RFX2: variants seen among roughly 807,000 people sequenced by gnomAD.
RFX2 encodes regulatory factor X2.
Under a neutral mutation model 87.8 loss-of-function variants are expected in RFX2, and 20 were observed. The ratio of observed to expected loss-of-function variants is 0.23; its 90% CI spans 0.16 to 0.33. The LOEUF (loss-of-function observed/expected upper bound fraction) is 0.33, where lower values mean the gene tolerates loss of function less well. Among genes scored for constraint, RFX2 ranks in the 10% least tolerant of loss-of-function variants. The pLI, the probability that RFX2 is intolerant of heterozygous loss-of-function variation, is 1.00. For synonymous variants in RFX2, 397 were observed against 431.3 expected (o/e 0.92, Z 0.98); for missense variants, 767 against 1,012.3 (o/e 0.76, Z 3.29).
At chr19:6,051,354 T>C (rs1436969784) in intron 1 of RFX2, among the ~76,000 whole-genome samples, 1 of 152,170 alleles carries the variant, frequency 6.6e-6, no homozygotes, top group Non-Finnish European at 1.5e-5. Flanking sequence ...ATATCATATG[T>C]AGATGTTCTC....
At chr19:6,053,955 CAAAAAAAAAA>C (rs553721219) in intron 1 of RFX2, among the ~76,000 whole-genome samples, 1 of 48,080 alleles carries the variant, frequency 2.1e-5, no homozygotes, top group East Asian at 5.3e-4. Flanking sequence ...GACTCTATCT[CAAAAAAAAAA>C]AAAAAAAAAA....
At position 6,040,246 on chromosome 19, in the gene RFX2, T is replaced by C. The variant is rs754535979; in HGVS notation, c.261-5A>G. On this transcript the variant is annotated splice_polypyrimidine_tract_variant and splice_region_variant and intron_variant, in intron 4 of 17. Transcript: ENST00000303657. This position sits in a 1 kb window ranked among gnomAD's most constrained non-coding sequence, Gnocchi z 6.1. ...TTGTAGGTGTAGGCTGTTCGTCTGTTAGAAAGAGAGAAGTCACGCATGGGA... is the reference window on the plus strand; with the variant it reads ...TTGTAGGTGTAGGCTGTTCGTCTGTCAGAAAGAGAGAAGTCACGCATGGGA... 2.0e-6 allele frequency: 3 copies of C among 1,533,534 alleles called. No homozygotes were observed. Among genetic ancestry groups the C allele is most frequent in the African/African-American group, 2.8e-5 (2 of 72,596 alleles). The allele number at this position is 1,533,534 out of a possible 1,614,324, so 95.0% of individuals were successfully genotyped here.
At chr19:6,085,840 C>T (rs1040478983) in intron 1 of RFX2, among the ~76,000 whole-genome samples, 1 of 152,006 alleles carries the variant, frequency 6.6e-6, no homozygotes, top group African/African-American at 2.4e-5. Flanking sequence ...GCCTGTAATC[C>T]CAGCACTTTG....
At position 5,997,413 on chromosome 19, in the gene RFX2, C is replaced by T. The variant is rs1301092174; in HGVS notation, c.1860-200G>A. On this transcript the variant is annotated intron_variant, in intron 15 of 17. Coordinates refer to ENST00000303657, the MANE Select transcript of RFX2 (RefSeq NM_000635.4). The surrounding 1 kb of genome is among the most constrained non-coding windows in gnomAD (Gnocchi z 4.2). ...GGGCCCACGTGACGGACAGGTGGGG[C>T]CGGCCTGCGCGCTCAGTTCCAGAGA... is the stretch of plus-strand genomic sequence containing the variant. 1.5e-5 allele frequency: 9 copies of T among 587,508 alleles called. No homozygotes were observed. The highest frequency in any genetic ancestry group is 2.6e-5 in the Non-Finnish European group (9 of 342,860). The allele number at this position is 587,508 out of a possible 1,614,324, so 36.4% of individuals were successfully genotyped here.
At position 5,997,845 on chromosome 19, in the gene RFX2, A is replaced by G. The variant is rs1334230446; in HGVS notation, c.1860-632T>C. Among the ~76,000 whole-genome samples, 1 of 152,192 alleles carries G rather than the reference A, an allele frequency of 6.6e-6. No homozygotes were observed. The highest frequency in any genetic ancestry group is 1.5e-5 in the Non-Finnish European group (1 of 68,028). On this transcript the variant is annotated intron_variant, in intron 15 of 17. Coordinates refer to ENST00000303657, the MANE Select transcript of RFX2 (RefSeq NM_000635.4). The surrounding 1 kb of genome is among the most constrained non-coding windows in gnomAD (Gnocchi z 4.2). ...AATGGTTGGAAAAAGTCAAAAGAATAATTATATTCGGTGGCACGTGGAAAT... is the reference window on the plus strand; with the variant it reads ...AATGGTTGGAAAAAGTCAAAAGAATGATTATATTCGGTGGCACGTGGAAAT...
At chr19:6,090,718 T>A (rs1321720619) in intron 1 of RFX2, among the ~76,000 whole-genome samples, 2 of 152,148 alleles carry the variant, frequency 1.3e-5, no homozygotes, top group Non-Finnish European at 2.9e-5. Flanking sequence ...CCACAAATAT[T>A]CATAGCAGCA....
At position 6,084,933 on chromosome 19, in the gene RFX2, G is replaced by A. The variant is rs74692923; in HGVS notation, c.-9+25460C>T. On this transcript the variant is annotated intron_variant, in intron 1 of 17. Coordinates refer to ENST00000303657, the MANE Select transcript of RFX2 (RefSeq NM_000635.4). ...ATTAGAGGTGTGAGCCACTGCGCCCGGCTGGATTTGTCCTTTTGTGTCTGA... is the reference window on the plus strand; with the variant it reads ...ATTAGAGGTGTGAGCCACTGCGCCCAGCTGGATTTGTCCTTTTGTGTCTGA... Among the ~76,000 whole-genome samples the A allele has an allele frequency of 4.6e-3, 699 of 152,168 alleles. 8 individuals carry two copies. In the East Asian group the frequency reaches 0.071, roughly 15 times the overall value.
At chr19:6,035,850 G>T (rs577554) in intron 5 of RFX2, among the ~76,000 whole-genome samples, 12,163 of 137,240 alleles carry the variant, frequency 0.089, 667 homozygotes, top group Middle Eastern at 0.13. Context: ...CTTGGTGGGG[G>T]GTGTGTGTGT....
At position 6,004,414 on chromosome 19, in the gene RFX2, G is replaced by C. The variant is rs45526738; in HGVS notation, c.1403-116C>G. On this transcript the variant is annotated intron_variant, in intron 12 of 17. Transcript: ENST00000303657. The surrounding 1 kb of genome is among the most constrained non-coding windows in gnomAD (Gnocchi z 4.8). ...GATGAAAATGACCACCATGAAGAAC[G>C]AGCCACACAGGCGACGGGGAACCGA... 1 of 841,930 alleles carries C rather than the reference G, an allele frequency of 1.2e-6. No individual in the cohort carries two copies. Among genetic ancestry groups the C allele is most frequent in the East Asian group, 2.5e-5 (1 of 39,648 alleles). The allele number at this position is 841,930 out of a possible 1,614,324, so 52.2% of individuals were successfully genotyped here. A position where few individuals can be genotyped will look rare whatever the true frequency, so the allele number is the denominator to read the frequency against.
intron 1 of RFX2, among the ~76,000 whole-genome samples, chr19:6,048,850 T>C (rs2087232028): frequency 6.6e-6 from 1 of 152,054 alleles, no homozygotes; most frequent in African/African-American, 2.4e-5. Context: ...TTGGGGACTA[T>C]TCCCCGACCA....
Position 6,063,191 on chromosome 19 carries a change from G to C in RFX2, c.-8-15687C>G, listed in dbSNP as rs509081. ...AGCCGGGCTTCCTCTGATTCCGGATGGAGTGTTTAAATGAGATGTCCACAC... is the reference window on the plus strand; with the variant it reads ...AGCCGGGCTTCCTCTGATTCCGGATCGAGTGTTTAAATGAGATGTCCACAC... On this transcript the variant is annotated intron_variant, in intron 1 of 17. Transcript: ENST00000303657. This position sits in a 1 kb window ranked among gnomAD's most constrained non-coding sequence, Gnocchi z 4.0. Among the ~76,000 whole-genome samples, 1 of 152,142 alleles carries C rather than the reference G, an allele frequency of 6.6e-6. No homozygotes were observed. The highest frequency in any genetic ancestry group is 6.5e-5 in the Admixed American group (1 of 15,282).
intron 1 of RFX2, among the ~76,000 whole-genome samples, chr19:6,097,050 T>C (rs2088040076): frequency 6.6e-6 from 1 of 152,148 alleles, no homozygotes; most frequent in African/African-American, 2.4e-5. Context: ...GAAGAATCAA[T>C]ACAAGACCAG....
chr19:6,105,847 G>T (rs796820619), intron 1 of RFX2, among the ~76,000 whole-genome samples: 10 of 152,196 alleles, frequency 6.6e-5, no homozygotes, highest in African/African-American at 2.4e-4. Flanking sequence ...CAACGAGTTT[G>T]GGGGGTGCTT....
Position 5,998,998 on chromosome 19 carries a change from G to A in RFX2, c.1860-1785C>T, listed in dbSNP as rs534330781. ...AGACCAGGCGTGGTGGCTCATGACT[G>A]GAATCGCAGCACTTTGGGAGGCTGA... On this transcript the variant is annotated intron_variant, in intron 15 of 17. Transcript: ENST00000303657. The surrounding 1 kb of genome is among the most constrained non-coding windows in gnomAD (Gnocchi z 4.2). Among the ~76,000 whole-genome samples the A allele has an allele frequency of 6.6e-6, 1 of 152,246 alleles. No individual in the cohort carries two copies. Among genetic ancestry groups the A allele is most frequent in the Non-Finnish European group, 1.5e-5 (1 of 68,042 alleles).
rs760139597 is a variant in RFX2, at chr19:6,108,349, C to G, written c.-9+2044G>C. Among the ~76,000 whole-genome samples, 20 of 152,302 alleles carry G rather than the reference C, an allele frequency of 1.3e-4. 1 individual carries two copies. Among genetic ancestry groups the G allele is most frequent in the Middle Eastern group, 6.8e-3 (2 of 294 alleles). ...CTTTAAACTAGAGCAGGAGAAAGCA[C>G]AGATGCCCCCCTCCTCCTTATCCAG... is the stretch of plus-strand genomic sequence containing the variant. On this transcript the variant is annotated intron_variant, in intron 1 of 17. Transcript: ENST00000303657.
intron 1 of RFX2, among the ~76,000 whole-genome samples, chr19:6,051,913 T>C (rs1263109441): frequency 1.3e-5 from 2 of 152,210 alleles, no homozygotes; most frequent in African/African-American, 4.8e-5. Flanking sequence ...AGTCTCGCTC[T>C]GTTGCCCAGG....
chr19:6,039,888 G>A lies in RFX2; in HGVS notation c.522+92C>T, dbSNP rs1568519501. 5 of 1,403,768 alleles carry A rather than the reference G, an allele frequency of 3.6e-6. No homozygotes were observed. Among genetic ancestry groups the A allele is most frequent in the Non-Finnish European group, 4.7e-6 (5 of 1,055,304 alleles). The allele number at this position is 1,403,768 out of a possible 1,614,324, so 87.0% of individuals were successfully genotyped here. On this transcript the variant is annotated intron_variant, in intron 5 of 17. Coordinates refer to ENST00000303657, the MANE Select transcript of RFX2 (RefSeq NM_000635.4). The surrounding 1 kb of genome is among the most constrained non-coding windows in gnomAD (Gnocchi z 5.2). ...CCAGAGCAGACGACAGCCCCTCCGG[G>A]CCTCCGGCTGCCTCTTACTCACCAT...
chr19:6,109,070 C>A (rs2088266566), intron 1 of RFX2, among the ~76,000 whole-genome samples: 1 of 151,336 alleles, frequency 6.6e-6, no homozygotes, highest in Non-Finnish European at 1.5e-5. Context: ...GCGGTGGGGG[C>A]AGGGGGTGGA....
rs761689999 is a variant in RFX2 at position 6,001,900 on chromosome 19, C to T, written c.1774G>A (p.Val592Ile). ...GCATGCTGCTTCAGGACCTGGGTGACCACACTGTCCAGCCAGCTGGCCCAC... is the reference window on the plus strand; with the variant it reads ...GCATGCTGCTTCAGGACCTGGGTGATCACACTGTCCAGCCAGCTGGCCCAC... The part of the protein sequence containing the change: ...DQWASWLDSV[V>I]TQVLKQHAGS... Residue 592 changes from valine (V) to isoleucine (I), a missense_variant, in exon 15 of 18, where the codon GTC becomes ATC. Val to Ile is a conservative substitution (Grantham distance 29, BLOSUM62 3). Coordinates refer to ENST00000303657, the MANE Select transcript of RFX2 (RefSeq NM_000635.4). The surrounding 1 kb of genome is among the most constrained non-coding windows in gnomAD (Gnocchi z 5.6). 5.6e-6 allele frequency: 9 copies of T among 1,613,218 alleles called. No homozygotes were observed. The East Asian group carries it at 1.6e-4, about 28-fold the overall frequency.
Sources: allele counts gnomAD v4.1 joint callset (sites outside exome capture counted in the v4.1 genomes callset), GRCh38; gene constraint gnomAD v4.1.1; non-coding constraint Gnocchi (gnomAD v3.1); transcripts MANE v1.5; gene names NCBI Gene and HGNC (gene_info 2026-07-23, HGNC 2026-07-21).